Variants in ACOXL observed in about 807,000 individuals in gnomAD.
ACOXL encodes acyl-CoA oxidase like, also known as acyl-coenzyme A oxidase-like protein.
Under a neutral mutation model 71.9 loss-of-function variants are expected in ACOXL, and 70 were observed. That is an observed-to-expected ratio of 0.97 (90% CI 0.80 to 1.19). ACOXL has a LOEUF of 1.19. Ranked by LOEUF, ACOXL falls within the 50% of genes most tolerant of loss-of-function variation. The pLI is 0.00. For missense variants in ACOXL, 703 were observed against 736.3 expected, an observed-to-expected ratio of 0.95 and a Z score of 0.52; for synonymous variants, 253 against 281.6, an observed-to-expected ratio of 0.90 and a Z score of 1.02.
At chr2:111,039,836 G>T (rs1462306047) in intron 15 of ACOXL, among the ~76,000 whole-genome samples, 1 of 152,196 alleles carries the variant, frequency 6.6e-6, no homozygotes, top group Non-Finnish European at 1.5e-5. Context: ...CTTTCTGTGA[G>T]CTAGAAGATT....
At chr2:110,948,122 G>GA (rs1212710011) in intron 12 of ACOXL, among the ~76,000 whole-genome samples, 1 of 152,110 alleles carries the variant, frequency 6.6e-6, no homozygotes, top group Admixed American at 6.5e-5. Flanking sequence ...AAAGCAGGGT[G>GA]AAAAAAATAT....
chr2:111,103,193 G>A (rs910830364), intron 17 of ACOXL, among the ~76,000 whole-genome samples: 2 of 152,180 alleles, frequency 1.3e-5, no homozygotes, highest in African/African-American at 4.8e-5. Flanking sequence ...TACTAGGGAG[G>A]CTGAGGCATG....
chr2:110,851,593 G>C (rs575595072), intron 10 of ACOXL, among the ~76,000 whole-genome samples: 1 of 152,234 alleles, frequency 6.6e-6, no homozygotes, highest in East Asian at 1.9e-4. Context: ...TAGACTGTGT[G>C]GTGCTTCAGT....
At chr2:111,091,549 A>T (rs1219653144) in intron 16 of ACOXL, among the ~76,000 whole-genome samples, 1 of 152,202 alleles carries the variant, frequency 6.6e-6, no homozygotes, top group African/African-American at 2.4e-5. Flanking sequence ...GCTTAACCAC[A>T]TAATTTATAT....
Position 110,908,808 on chromosome 2 carries a change from A to G in ACOXL, c.808A>G (p.Lys270Glu). The G allele has an allele frequency of 6.2e-7, 1 of 1,614,094 alleles. No homozygotes were observed. The highest frequency in any genetic ancestry group is 8.5e-7 in the Non-Finnish European group (1 of 1,179,960). Residue 270 changes from lysine (K) to glutamate (E), a missense_variant, in exon 11 of 18, where the codon AAA (lysine) becomes GAA (glutamate). Physicochemically the swap from Lys to Glu is moderately conservative, Grantham distance 56. Transcript: ENST00000439055. ...YSHSRRQFGPKTKEEVKIIEH... is the reference protein window; with the variant it reads ...YSHSRRQFGPETKEEVKIIEH... ...CTCTAGCCGGAGGCAGTTTGGGCCC[A>G]AAACCAAGGAAGAGGTGAAGATCAT...
intron 2 of ACOXL, among the ~76,000 whole-genome samples, chr2:110,776,957 C>G (rs1682728436): frequency 6.6e-6 from 1 of 151,654 alleles, no homozygotes; most frequent in Non-Finnish European, 1.5e-5. Flanking sequence ...AATGGGGATT[C>G]TACTGAAGGT....
intron 11 of ACOXL, among the ~76,000 whole-genome samples, chr2:110,926,301 A>G (rs1472485769): frequency 6.6e-6 from 1 of 152,238 alleles, no homozygotes; most frequent in Non-Finnish European, 1.5e-5. Context: ...CAATTTTTAA[A>G]AAGTGCGATA....
chr2:110,868,687 C>T (rs1001547407), intron 10 of ACOXL, among the ~76,000 whole-genome samples: 1 of 152,018 alleles, frequency 6.6e-6, no homozygotes. Flanking sequence ...TTCCCAGGCT[C>T]AGGTGATTCT....
intron 9 of ACOXL, among the ~76,000 whole-genome samples, chr2:110,840,685 T>C (rs1402933919): frequency 1.3e-5 from 2 of 152,206 alleles, no homozygotes; most frequent in Admixed American, 6.5e-5. Flanking sequence ...TCATCATCCC[T>C]GCAGAGTAAA....
chr2:110,935,551 G>A (rs1354056409), intron 12 of ACOXL, among the ~76,000 whole-genome samples: 2 of 152,164 alleles, frequency 1.3e-5, no homozygotes, highest in South Asian at 2.1e-4. Flanking sequence ...CCAGCAGTGC[G>A]GAAATAACCC....
chr2:111,059,553 T>C (rs1004013642), intron 16 of ACOXL, among the ~76,000 whole-genome samples: 3 of 152,190 alleles, frequency 2.0e-5, no homozygotes, highest in African/African-American at 2.4e-5. Context: ...TCATCCCTAT[T>C]CCTTCTGCTA....
intron 1 of ACOXL, among the ~76,000 whole-genome samples, chr2:110,767,531 C>T (rs1255877277): frequency 6.6e-6 from 1 of 152,184 alleles, no homozygotes; most frequent in Non-Finnish European, 1.5e-5. Context: ...CCTTGTGAGG[C>T]TCAACCATCA....
intron 16 of ACOXL, among the ~76,000 whole-genome samples, chr2:111,091,508 A>G (rs1421618869): frequency 6.6e-6 from 1 of 152,222 alleles, no homozygotes; most frequent in South Asian, 2.1e-4. Context: ...TTTGTAGCAC[A>G]TAAGAAGTTC....
chr2:110,841,787 C>T (rs1249535600), intron 10 of ACOXL, among the ~76,000 whole-genome samples: 1 of 152,118 alleles, frequency 6.6e-6, no homozygotes, highest in African/African-American at 2.4e-5. Flanking sequence ...AAGCCCTTGC[C>T]ACCTTCCATG....
At chr2:110,998,374 T>C (rs1307891896) in intron 14 of ACOXL, among the ~76,000 whole-genome samples, 2 of 152,168 alleles carry the variant, frequency 1.3e-5, no homozygotes, top group Non-Finnish European at 2.9e-5. Flanking sequence ...GGTCAGAAGT[T>C]TGTGTAATCA....
chr2:111,002,439 A>G (rs563813007), intron 14 of ACOXL, among the ~76,000 whole-genome samples: 8 of 152,226 alleles, frequency 5.3e-5, no homozygotes, highest in Non-Finnish European at 7.3e-5. Context: ...TTTCCATTTA[A>G]TAATATAATG....
intron 3 of ACOXL, among the ~76,000 whole-genome samples, chr2:110,787,449 G>A (rs1684114148): frequency 1.3e-5 from 2 of 151,064 alleles, no homozygotes; most frequent in Non-Finnish European, 2.9e-5. Flanking sequence ...CAGGAGAATG[G>A]CGTGGACCCG....
intron 2 of ACOXL, among the ~76,000 whole-genome samples, chr2:110,775,379 T>C (rs967223510): frequency 6.6e-6 from 1 of 152,130 alleles, no homozygotes; most frequent in Non-Finnish European, 1.5e-5. Flanking sequence ...TAAAAATTTA[T>C]ATAAAAATAA....
chr2:110,958,137 A>G (rs538664751), intron 12 of ACOXL, among the ~76,000 whole-genome samples: 5 of 151,990 alleles, frequency 3.3e-5, no homozygotes, highest in East Asian at 1.9e-4. Context: ...ATACACACGC[A>G]CACACACATG....
Sources: allele counts gnomAD v4.1 joint callset (sites outside exome capture counted in the v4.1 genomes callset), GRCh38; gene constraint gnomAD v4.1.1; transcripts MANE v1.5; gene names NCBI Gene and HGNC (gene_info 2026-07-23, HGNC 2026-07-21).